The following DLGAP2 variants were observed in gnomAD, a reference collection of about 807,000 sequenced individuals.
DLGAP2 encodes the protein disks large-associated protein 2.
A neutral mutation model predicts 100.3 loss-of-function variants in DLGAP2; 26 were observed. That is an observed-to-expected ratio of 0.26 (90% CI 0.19 to 0.36). The LOEUF is 0.36. Ranked by LOEUF, DLGAP2 falls within the 10% of genes least tolerant of loss-of-function variation. The probability of loss-of-function intolerance (pLI) is 1.00; values close to 1 mark genes in which losing one functional copy is unlikely to be tolerated. For missense variants in DLGAP2, 1,858 were observed against 1,453.2 expected (o/e 1.28, Z -4.53); for synonymous variants, 886 against 630.1 (o/e 1.41, Z -6.08).
At chr8:1,170,403 G>A (rs62378880) in intron 2 of DLGAP2, among the ~76,000 whole-genome samples, 1 of 152,148 alleles carries the variant, frequency 6.6e-6, no homozygotes, top group African/African-American at 2.4e-5. Flanking sequence ...CTCATAAAAT[G>A]AGTTAGGGAG....
rs533822066 is a variant in DLGAP2 at position 1,152,282 on chromosome 8, T to C, written c.74-106569T>C. On this transcript the variant is annotated intron_variant, in intron 2 of 14. Transcript: ENST00000637795. ...ATATGTTTGCATTCAGACTTTTGCC[T>C]TTTTATTTTGCAAATGCCATTTTTA... Among the ~76,000 whole-genome samples, 128 of 152,384 alleles carry C rather than the reference T, an allele frequency of 8.4e-4. 3 individuals carry two copies. In the South Asian group the frequency reaches 0.022, roughly 26 times the overall value.
At chr8:1,535,542 C>G (rs763986625) in intron 4 of DLGAP2, among the ~76,000 whole-genome samples, 5 of 152,148 alleles carry the variant, frequency 3.3e-5, no homozygotes, top group Non-Finnish European at 5.9e-5. Context: ...GATGGGCATG[C>G]CTGGCACACA....
chr8:1,350,217 G>C lies in DLGAP2; in HGVS notation c.106+91334G>C, dbSNP rs1801678113. Among the ~76,000 whole-genome samples, 3 of 148,742 alleles carry C rather than the reference G, an allele frequency of 2.0e-5. 1 individual carries two copies. In the South Asian group the frequency reaches 6.5e-4, roughly 32 times the overall value. The stretch of plus-strand genomic sequence containing the variant: ...TCCTGAGTGTGCGTGGAAAGGCCGT[G>C]CGGGTCCTGAGTGTGCGTGGAAAGG... On this transcript the variant is annotated intron_variant, in intron 3 of 14. Coordinates refer to ENST00000637795, the MANE Select transcript of DLGAP2 (RefSeq NM_001346810.2).
intron 6 of DLGAP2, among the ~76,000 whole-genome samples, chr8:1,585,191 G>A (rs1412843755): frequency 1.7e-4 from 26 of 152,170 alleles, no homozygotes; most frequent in Admixed American, 1.7e-3. Flanking sequence ...GGCTGTGAAT[G>A]AGGGCTCACA....
chr8:1,210,103 G>C (rs965126204), intron 2 of DLGAP2, among the ~76,000 whole-genome samples: 1 of 152,168 alleles, frequency 6.6e-6, no homozygotes, highest in Non-Finnish European at 1.5e-5. Flanking sequence ...GGTAGGGTGG[G>C]TGCTGGGCCT....
intron 2 of DLGAP2, among the ~76,000 whole-genome samples, chr8:1,191,405 T>A (rs149808970): frequency 6.6e-6 from 1 of 152,070 alleles, no homozygotes; most frequent in Non-Finnish European, 1.5e-5. Context: ...CTCCTGACCT[T>A]GTGATCTGCC....
At chr8:1,174,948 T>C (rs1198420908) in intron 2 of DLGAP2, among the ~76,000 whole-genome samples, 2 of 129,446 alleles carry the variant, frequency 1.5e-5, no homozygotes. Flanking sequence ...CTTATGATGA[T>C]AAGAAAATTA....
chr8:1,473,237 TG>T (rs1798847376), intron 3 of DLGAP2, among the ~76,000 whole-genome samples: 1 of 152,172 alleles, frequency 6.6e-6, no homozygotes, highest in Admixed American at 6.5e-5. Context: ...AGCCCACAAA[TG>T]ATTATATCGG....
intron 3 of DLGAP2, among the ~76,000 whole-genome samples, chr8:1,416,991 C>T (rs1444930830): frequency 2.6e-5 from 4 of 151,576 alleles, no homozygotes; most frequent in Non-Finnish European, 5.9e-5. Context: ...GACTCAGAGT[C>T]CAGGGCTCAG....
At chr8:1,510,872 A>T (rs1248055200) in intron 4 of DLGAP2, among the ~76,000 whole-genome samples, 1 of 152,256 alleles carries the variant, frequency 6.6e-6, no homozygotes, top group Non-Finnish European at 1.5e-5. Context: ...GGTCGGTGTT[A>T]CATAATTAAT....
intron 3 of DLGAP2, among the ~76,000 whole-genome samples, chr8:1,387,273 GT>G (rs1240461787): frequency 1.3e-5 from 2 of 152,196 alleles, no homozygotes; most frequent in Non-Finnish European, 2.9e-5. Context: ...GGCTTTTATA[GT>G]ATTATCAGAT....
At chr8:1,266,763 T>TGTATATG (rs1799459375) in intron 3 of DLGAP2, among the ~76,000 whole-genome samples, 1 of 151,824 alleles carries the variant, frequency 6.6e-6, no homozygotes, top group Non-Finnish European at 1.5e-5. Flanking sequence ...GTATATGTGT[T>TGTATATG]TGTGTGTGTG....
intron 3 of DLGAP2, among the ~76,000 whole-genome samples, chr8:1,469,086 G>A (rs973382152): frequency 5.9e-5 from 9 of 151,850 alleles, no homozygotes; most frequent in African/African-American, 2.2e-4. Flanking sequence ...GACATGTCCT[G>A]TCATTCATTC....
chr8:891,548 A>T (rs964100566), intron 1 of DLGAP2: 1 of 152,380 alleles, frequency 6.6e-6, no homozygotes, highest in Non-Finnish European at 1.5e-5. Flanking sequence ...TCGCCTGGGG[A>T]GGGCTGATCG....
At chr8:1,282,317 C>A (rs1466399721) in intron 3 of DLGAP2, among the ~76,000 whole-genome samples, 1 of 145,588 alleles carries the variant, frequency 6.9e-6, no homozygotes, top group African/African-American at 2.6e-5. Flanking sequence ...ACCATCCGGA[C>A]GTGGTGTGAC....
At chr8:1,213,246 G>A (rs1798143352) in intron 2 of DLGAP2, among the ~76,000 whole-genome samples, 1 of 152,168 alleles carries the variant, frequency 6.6e-6, no homozygotes, top group Admixed American at 6.5e-5. Context: ...AAATCTGCAA[G>A]TCAACAACAG....
In DLGAP2 at chr8:1,031,551, A is replaced by G. The variant is rs148941778; in HGVS notation, c.73+123585A>G. Among the ~76,000 whole-genome samples, 108 of 152,204 alleles carry G rather than the reference A, an allele frequency of 7.1e-4. 2 individuals carry two copies. The East Asian group carries it at 0.018, about 26-fold the overall frequency. On this transcript the variant is annotated intron_variant, in intron 2 of 14. Coordinates refer to ENST00000637795, the MANE Select transcript of DLGAP2 (RefSeq NM_001346810.2). ...CTCAGCCTCTCAAGTAGCTGGGACT[A>G]TAGGGTGCATGTCACCATGCCCGGC...
chr8:1,218,040 A>G (rs868027847), intron 2 of DLGAP2, among the ~76,000 whole-genome samples: 22 of 152,124 alleles, frequency 1.4e-4, no homozygotes, highest in Middle Eastern at 6.3e-3. Context: ...CTCCCATTCT[A>G]TAAGTTGTCT....
chr8:1,045,538 A>G lies in DLGAP2; in HGVS notation c.73+137572A>G, dbSNP rs372529152. On this transcript the variant is annotated intron_variant, in intron 2 of 14. Transcript: ENST00000637795. ...TCTGCCCTCTTAGCAGTTTTCCACT[A>G]TGCAGTGCCTGGTGGACTGCAGTCT... Among the ~76,000 whole-genome samples the G allele has an allele frequency of 1.4e-3, 206 of 152,188 alleles. 8 individuals carry two copies. The South Asian group carries it at 0.039, about 29-fold the overall frequency.
Sources: gnomAD v4.1 joint callset for allele counts (sites outside exome capture counted in the v4.1 genomes callset) on GRCh38, gnomAD v4.1.1 for gene constraint, MANE v1.5 for transcripts, NCBI Gene and HGNC (gene_info 2026-07-23, HGNC 2026-07-21) for gene names.